TUBE1: variants seen among roughly 807,000 people sequenced by gnomAD.
The protein encoded by TUBE1 is tubulin epsilon chain.
TUBE1 carries 34 observed loss-of-function variants against 53.5 expected under a neutral mutation model. The observed-to-expected ratio is 0.64, with a 90% CI of 0.48 to 0.85. The LOEUF is 0.85. Among genes scored for constraint, TUBE1 ranks in the 40% least tolerant of loss-of-function variants. TUBE1 has a pLI of 0.00. For missense variants in TUBE1, 532 were observed against 570.5 expected (o/e 0.93, Z 0.69); for synonymous variants, 177 against 198.4 (o/e 0.89, Z 0.91).
Position 112,076,410 on chromosome 6 carries a change from T to C in TUBE1, c.548A>G (p.Asp183Gly). The change falls in exon 7 of 12, where the codon GAT (aspartate) becomes GGT (glycine). Residue 183 changes from aspartate (D) to glycine (G), a missense_variant. Transcript: ENST00000368662. ...FVTSIYPSGEDDVITSPYNSI... is the reference protein window; with the variant it reads ...FVTSIYPSGEGDVITSPYNSI... The stretch of plus-strand genomic sequence containing the variant: ...ATTATAAGGTGAGGTTATGACATCA[T>C]CCTCACCAGAAGGATAAATGGAAGT... 1.9e-6 allele frequency: 3 copies of C among 1,613,450 alleles called. No individual in the cohort carries two copies. The highest frequency in any genetic ancestry group is 2.5e-6 in the Non-Finnish European group (3 of 1,179,566).
rs782484466 is a variant in TUBE1 at position 112,075,959 on chromosome 6, T to C, written c.790A>G (p.Asn264Asp). ...PFDAMNNIVA[N>D]LLLNLTSSAR... Reference sequence around the variant, plus strand: ...TACCTCGTTAGGTTGAGGAGCAAATTTGCCACAATGTTATTCATTGCATCA... The same window carrying C: ...TACCTCGTTAGGTTGAGGAGCAAATCTGCCACAATGTTATTCATTGCATCA... The change falls in exon 8 of 12, where the codon AAT becomes GAT. Residue 264 changes from asparagine to aspartate, a missense_variant. Coordinates refer to ENST00000368662, the MANE Select transcript of TUBE1 (RefSeq NM_016262.5). 1.2e-6 allele frequency: 2 copies of C among 1,611,482 alleles called. No homozygotes were observed. Among genetic ancestry groups the C allele is most frequent in the Non-Finnish European group, 1.7e-6 (2 of 1,178,578 alleles).
chr6:112,071,327 G>T lies in TUBE1; in HGVS notation c.*85C>A. On this transcript the variant is annotated 3_prime_UTR_variant, in exon 12 of 12. Transcript: ENST00000368662. The stretch of plus-strand genomic sequence containing the variant: ...ATTTCCCGATAATATGAAAAAACTG[G>T]AGTTTCCAAATTACAAAAATGTTGA... 1 of 1,269,040 alleles carries T rather than the reference G, an allele frequency of 7.9e-7. No individual in the cohort carries two copies. 78.6% of individuals were successfully genotyped at this position (1,269,040 alleles called of 1,614,324 possible).
At chr6:112,072,939 T>G in intron 9 of TUBE1, 41 bp from the exon 10 acceptor site, 1 of 1,600,880 alleles carries the variant, frequency 6.2e-7, no homozygotes, top group Non-Finnish European at 8.5e-7. Flanking sequence ...AAAATATTAC[T>G]TCTTTCTATG....
chr6:112,084,069 A>G, intron 4 of TUBE1, 120 bp downstream of exon 4: 1 of 746,306 alleles, frequency 1.3e-6, no homozygotes, highest in South Asian at 1.7e-5. Flanking sequence ...TTTATATTAA[A>G]TGTGGCTTAG....
In TUBE1 at chr6:112,072,909, G is replaced by A. The variant is rs1554315585; in HGVS notation, c.954-11C>T. ...AACATCTGATCCAATCTGCAACAAT[G>A]AAATTGTCATTGTTTATACAAAATA... On this transcript the variant is annotated splice_polypyrimidine_tract_variant and intron_variant, in intron 9 of 11. Coordinates refer to ENST00000368662, the MANE Select transcript of TUBE1 (RefSeq NM_016262.5). 1.2e-6 allele frequency: 2 copies of A among 1,611,004 alleles called. No individual in the cohort carries two copies. The highest frequency in any genetic ancestry group is 2.7e-5 in the African/African-American group (2 of 74,810).
intron 4 of TUBE1, among the ~76,000 whole-genome samples, chr6:112,083,320 ATTTT>A (rs587770144): frequency 7.6e-6 from 1 of 131,460 alleles, no homozygotes. Flanking sequence ...CTTCCATAAC[ATTTT>A]TTTTTTTTTT....
chr6:112,087,458 A>G lies in TUBE1; in HGVS notation c.-24T>C, dbSNP rs1382225017. Reference sequence around the variant, plus strand: ...ATGGTGGTGCGCCGCCGGCTCCGGGAGCTTGCTAGCCCGCGGCCGCTTCTG... The same window carrying G: ...ATGGTGGTGCGCCGCCGGCTCCGGGGGCTTGCTAGCCCGCGGCCGCTTCTG... On this transcript the variant is annotated 5_prime_UTR_variant, in exon 1 of 12. Transcript: ENST00000368662. 1.2e-5 allele frequency: 18 copies of G among 1,548,906 alleles called. No homozygotes were observed. The Admixed American group carries it at 3.5e-4, about 30-fold the overall frequency.
At chr6:112,078,148 A>C (rs1777003468) in intron 6 of TUBE1, 1 of 151,858 alleles carries the variant, frequency 6.6e-6, no homozygotes, top group Non-Finnish European at 1.5e-5. Context: ...TGCCAGTAAG[A>C]AGCACTGGTG....
Position 112,074,828 on chromosome 6 carries a change from G to C in TUBE1, c.835C>G (p.Leu279Val). ...LTSSARFEGSLNMDLNEISMN... is the reference protein window; with the variant it reads ...LTSSARFEGSVNMDLNEISMN... ...CTGATTTCATTAAGGTCCATATTAA[G>C]GGACCCTTCAAATCTTGCAGAGCTA... Residue 279 changes from leucine (L) to valine (V), a missense_variant, in exon 9 of 12, where the codon CTT becomes GTT. Physicochemically the swap from Leu to Val is conservative, Grantham distance 32. Transcript: ENST00000368662. 6.3e-7 allele frequency: 1 copy of C among 1,588,288 alleles called. No individual in the cohort carries two copies. Among genetic ancestry groups the C allele is most frequent in the Non-Finnish European group, 8.5e-7 (1 of 1,172,232 alleles).
chr6:112,078,817 C>T (rs184495390), intron 6 of TUBE1: 2 of 152,018 alleles, frequency 1.3e-5, no homozygotes, highest in African/African-American at 2.4e-5. Flanking sequence ...CATGGTTACA[C>T]AGCAATTTTA....
rs781885553 is a variant in TUBE1 at position 112,074,694 on chromosome 6, C to A, written c.953+16G>T. On this transcript the variant is annotated intron_variant, in intron 9 of 11. Transcript: ENST00000368662. Reference sequence around the variant, plus strand: ...AATTTGAGGCCTCAAAAAATTGAAACAAAGTTACACCTTACCTTCTAGGAG... The same window carrying A: ...AATTTGAGGCCTCAAAAAATTGAAAAAAAGTTACACCTTACCTTCTAGGAG... 6.9e-7 allele frequency: 1 copy of A among 1,446,022 alleles called. No individual in the cohort carries two copies. The highest frequency in any genetic ancestry group is 2.6e-5 in the East Asian group (1 of 38,982). The allele number at this position is 1,446,022 out of a possible 1,614,324, so 89.6% of individuals were successfully genotyped here. A position where few individuals can be genotyped will look rare whatever the true frequency, so the allele number is the denominator to read the frequency against.
chr6:112,080,447 C>T (rs1459734102), intron 5 of TUBE1, among the ~76,000 whole-genome samples: 2 of 152,042 alleles, frequency 1.3e-5, no homozygotes, highest in African/African-American at 2.4e-5. Flanking sequence ...TACTAAGTGA[C>T]TGGTTCTCTG....
Position 112,086,553 on chromosome 6 carries a change from T to C in TUBE1, c.152+3A>G, listed in dbSNP as rs1018013056. 58 of 1,611,714 alleles carry C rather than the reference T, an allele frequency of 3.6e-5. No individual in the cohort carries two copies. The highest frequency in any genetic ancestry group is 4.8e-5 in the Non-Finnish European group (57 of 1,178,172). On this transcript the variant is annotated splice_donor_region_variant and intron_variant, in intron 3 of 11. Coordinates refer to ENST00000368662, the MANE Select transcript of TUBE1 (RefSeq NM_016262.5). ...ACTGTGACAGACTTTAATCCCATCT[T>C]ACCTGGTGTCCACATTTCTAAAGAA... is the stretch of plus-strand genomic sequence containing the variant.
Position 112,085,542 on chromosome 6 carries a change from G to A in TUBE1, c.152+1014C>T, listed in dbSNP as rs587715253. 2.3e-3 allele frequency: 894 copies of A among 385,380 alleles called. 22 individuals are homozygous for A. The highest frequency in any genetic ancestry group is 0.018 in the South Asian group (879 of 49,464). The allele number at this position is 385,380 out of a possible 1,614,324, so 23.9% of individuals were successfully genotyped here. A position where few individuals can be genotyped will look rare whatever the true frequency, so the allele number is the denominator to read the frequency against. On this transcript the variant is annotated intron_variant, in intron 3 of 11. Transcript: ENST00000368662. The stretch of plus-strand genomic sequence containing the variant: ...GCGCCGGAAAGGAAGTATGACAGAA[G>A]CAAATTTGAGTCTCCTAAGAGAATT...
intron 9 of TUBE1, among the ~76,000 whole-genome samples, chr6:112,074,341 A>G (rs927915717): frequency 4.9e-5 from 7 of 143,358 alleles, no homozygotes; most frequent in African/African-American, 1.2e-4. Context: ...AATCTACCCA[A>G]TAAGTATATG....
chr6:112,077,648 T>C (rs1554316253), intron 6 of TUBE1: 3 of 152,100 alleles, frequency 2.0e-5, no homozygotes, highest in African/African-American at 7.2e-5. Flanking sequence ...CAGATAACTA[T>C]TAAAAGGCTA....
intron 5 of TUBE1, 108 bp from the exon 6 acceptor site, chr6:112,079,862 T>G (rs781845623): frequency 3.3e-5 from 35 of 1,062,402 alleles, no homozygotes; most frequent in Non-Finnish European, 4.7e-5. Context: ...GTATTCTTAT[T>G]GAGCTAAGTA....
intron 6 of TUBE1, chr6:112,078,049 C>A (rs370911822): frequency 1.0e-3 from 154 of 152,090 alleles, no homozygotes; most frequent in African/African-American, 3.5e-3. Flanking sequence ...CAAATTAAAA[C>A]TAAATACAAT....
Position 112,074,658 on chromosome 6 carries a change from T to G in TUBE1, c.953+52A>C. 4 of 1,348,864 alleles carry G rather than the reference T, an allele frequency of 3.0e-6. No individual in the cohort carries two copies. In the Middle Eastern group the frequency reaches 9.0e-4, roughly 302 times the overall value. 83.6% of individuals were successfully genotyped at this position (1,348,864 alleles called of 1,614,324 possible). On this transcript the variant is annotated intron_variant, in intron 9 of 11. Transcript: ENST00000368662. ...TGCAAACTTTTTTCTCTTAAAAATG[T>G]TTTTTAAAGTAATTTGAGGCCTCAA...
Sources: allele counts gnomAD v4.1 joint callset (sites outside exome capture counted in the v4.1 genomes callset), GRCh38; gene constraint gnomAD v4.1.1; transcripts MANE v1.5; gene names NCBI Gene and HGNC (gene_info 2026-07-23, HGNC 2026-07-21).